DTNA: variants seen among roughly 807,000 people sequenced by gnomAD.
DTNA encodes dystrophin-related protein 3.
A neutral mutation model predicts 100.7 loss-of-function variants in DTNA; 43 were observed. The ratio of observed to expected loss-of-function variants is 0.43; its 90% confidence interval spans 0.33 to 0.55. The LOEUF (loss-of-function observed/expected upper bound fraction) is 0.55. Ranked by LOEUF, DTNA falls within the 20% of genes least tolerant of loss-of-function variation. DTNA has a pLI of 0.04. For missense variants in DTNA, 798 were observed against 953.9 expected (o/e 0.84, Z 2.15); for synonymous variants, 349 against 347.9 (o/e 1.00, Z -0.04).
At chr18:34,534,324 A>T (rs770130750) in intron 1 of DTNA, among the ~76,000 whole-genome samples, 1 of 152,038 alleles carries the variant, frequency 6.6e-6, no homozygotes, top group East Asian at 1.9e-4. Context: ...TTAAAATAGT[A>T]TTTTTTAATA....
At chr18:34,557,694 C>T (rs1462895348) in intron 1 of DTNA, among the ~76,000 whole-genome samples, 2 of 151,560 alleles carry the variant, frequency 1.3e-5, no homozygotes, top group African/African-American at 4.8e-5. Flanking sequence ...GGTCAGGGGT[C>T]AGGGACCCAC....
At chr18:34,642,690 C>T (rs2059422066) in intron 1 of DTNA, among the ~76,000 whole-genome samples, 1 of 152,092 alleles carries the variant, frequency 6.6e-6, no homozygotes, top group Admixed American at 6.5e-5. Context: ...TCCCGAGTAG[C>T]TGGGATTATG....
At chr18:34,745,522 G>A (rs1214761228) in intron 1 of DTNA, among the ~76,000 whole-genome samples, 2 of 152,118 alleles carry the variant, frequency 1.3e-5, no homozygotes, top group Non-Finnish European at 2.9e-5. Context: ...AAAACACGTG[G>A]GATTTTCAGG....
chr18:34,628,888 T>G (rs1024052231), intron 1 of DTNA, among the ~76,000 whole-genome samples: 38 of 152,208 alleles, frequency 2.5e-4, no homozygotes, highest in African/African-American at 8.9e-4. Flanking sequence ...CAGTACAATG[T>G]TTCTTAACTG....
chr18:34,522,857 A>G (rs2042275158), intron 1 of DTNA, among the ~76,000 whole-genome samples: 1 of 152,228 alleles, frequency 6.6e-6, no homozygotes, highest in Non-Finnish European at 1.5e-5. Context: ...GGGCCCAAGC[A>G]GGGGCAGGCA....
At chr18:34,694,501 T>C (rs774129054) in intron 1 of DTNA, among the ~76,000 whole-genome samples, 1 of 152,198 alleles carries the variant, frequency 6.6e-6, no homozygotes, top group Non-Finnish European at 1.5e-5. Flanking sequence ...AATTTGATAG[T>C]TTCAAATTAG....
chr18:34,792,693 C>T (rs751882044), intron 3 of DTNA, among the ~76,000 whole-genome samples: 13 of 152,152 alleles, frequency 8.5e-5, no homozygotes, highest in East Asian at 1.9e-4. Flanking sequence ...CTGGAACTCT[C>T]GTACACTGCT....
At chr18:34,784,109 C>T (rs1221190337) in intron 3 of DTNA, among the ~76,000 whole-genome samples, 3 of 152,256 alleles carry the variant, frequency 2.0e-5, no homozygotes, top group East Asian at 3.9e-4. Context: ...GATTCAAACT[C>T]GATAGTTTGA....
At chr18:34,558,666 T>G (rs532740137) in intron 1 of DTNA, among the ~76,000 whole-genome samples, 2 of 152,302 alleles carry the variant, frequency 1.3e-5, no homozygotes, top group East Asian at 3.9e-4. Flanking sequence ...GAAGAATTTT[T>G]TACATTCAAT....
intron 1 of DTNA, among the ~76,000 whole-genome samples, chr18:34,750,498 T>C (rs566710899): frequency 1.3e-5 from 2 of 152,324 alleles, no homozygotes; most frequent in East Asian, 3.9e-4. Context: ...TTAATTTGCA[T>C]TGAACAGTAG....
intron 1 of DTNA, among the ~76,000 whole-genome samples, chr18:34,525,352 C>G (rs1424341445): frequency 6.6e-6 from 1 of 152,112 alleles, no homozygotes; most frequent in Non-Finnish European, 1.5e-5. Context: ...CTCCACTGCC[C>G]TTCAGACTCT....
In DTNA at chr18:34,526,807, G is replaced by A. The variant is rs369079792; in HGVS notation, c.-2+33293G>A. 7.9e-5 allele frequency among the ~76,000 whole-genome samples: 12 copies of A among 152,176 alleles called. No homozygotes were observed. The South Asian group carries it at 1.2e-3, about 16-fold the overall frequency. On this transcript the variant is annotated intron_variant, in intron 1 of 19. Transcript: ENST00000283365. Reference sequence around the variant, plus strand: ...GATGTTTTCTCAATGAGCAAGAGATGAGAAGCCATTTTTATGGAGGCTATT... The same window carrying A: ...GATGTTTTCTCAATGAGCAAGAGATAAGAAGCCATTTTTATGGAGGCTATT...
chr18:34,740,171 T>G (rs1601190948), intron 1 of DTNA, among the ~76,000 whole-genome samples: 1 of 152,296 alleles, frequency 6.6e-6, no homozygotes, highest in East Asian at 1.9e-4. Flanking sequence ...TAGTTATTTC[T>G]TAATCAGTGT....
chr18:34,589,817 T>C (rs2049516116), intron 1 of DTNA, among the ~76,000 whole-genome samples: 1 of 152,200 alleles, frequency 6.6e-6, no homozygotes, highest in African/African-American at 2.4e-5. Flanking sequence ...TTTCTATATA[T>C]TTGATTTTTT....
intron 1 of DTNA, among the ~76,000 whole-genome samples, chr18:34,515,269 C>G (rs1254339003): frequency 3.3e-5 from 5 of 151,838 alleles, no homozygotes; most frequent in Admixed American, 2.0e-4. Context: ...GAAAAAACTC[C>G]CTTAATTTTT....
intron 4 of DTNA, among the ~76,000 whole-genome samples, chr18:34,805,461 A>T (rs2095336415): frequency 2.0e-5 from 3 of 152,064 alleles, no homozygotes; most frequent in Admixed American, 2.0e-4. Context: ...AGTAGCTGGG[A>T]TTACAGACGT....
intron 9 of DTNA, among the ~76,000 whole-genome samples, chr18:34,827,221 T>C (rs1413877936): frequency 2.6e-5 from 4 of 152,128 alleles, no homozygotes; most frequent in Non-Finnish European, 5.9e-5. Flanking sequence ...TCCAAGAGAA[T>C]ATAGATTCAA....
intron 1 of DTNA, among the ~76,000 whole-genome samples, chr18:34,720,386 A>G (rs1480437): frequency 0.035 from 5,347 of 152,306 alleles, 294 homozygotes; most frequent in African/African-American, 0.12. Flanking sequence ...AGATACAGGC[A>G]ATGAAAGAAC....
At chr18:34,763,941 G>A (rs1055749487) in intron 2 of DTNA, among the ~76,000 whole-genome samples, 7 of 152,126 alleles carry the variant, frequency 4.6e-5, no homozygotes, top group African/African-American at 1.7e-4. Context: ...ATGATGACAA[G>A]GACTGTTGCA....
Sources: allele counts gnomAD v4.1 joint callset (sites outside exome capture counted in the v4.1 genomes callset), GRCh38; gene constraint gnomAD v4.1.1; transcripts MANE v1.5; gene names NCBI Gene and HGNC (gene_info 2026-07-23, HGNC 2026-07-21).